The following RBMS1 variants were observed in gnomAD, a reference collection of about 807,000 sequenced individuals.
RBMS1 encodes RNA binding motif single stranded interacting protein 1.
Under a neutral mutation model 62.3 loss-of-function variants are expected in RBMS1, and 17 were observed. That is an observed-to-expected ratio of 0.27 (90% CI 0.19 to 0.41). RBMS1 has a LOEUF of 0.41. RBMS1 is among the 10% of genes least tolerant of loss of function. The pLI is 1.00. For synonymous variants in RBMS1, 172 were observed against 170.0 expected (o/e 1.01, Z -0.09); for missense variants, 334 against 504.5 (o/e 0.66, Z 3.24).
intron 1 of RBMS1, among the ~76,000 whole-genome samples, chr2:160,488,353 G>A (rs1254539640): frequency 3.9e-5 from 6 of 152,102 alleles, no homozygotes; most frequent in African/African-American, 9.7e-5. Context: ...CTGAGGCGGC[G>A]GATCACGAGG....
chr2:160,370,506 T>C (rs10929980), intron 1 of RBMS1, among the ~76,000 whole-genome samples: 53,466 of 151,952 alleles, frequency 0.35, 9,657 homozygotes, highest in East Asian at 0.53. Context: ...TTACATACAT[T>C]ACCATACTTA....
intron 6 of RBMS1, among the ~76,000 whole-genome samples, chr2:160,293,576 C>T (rs893584651): frequency 2.0e-5 from 3 of 152,192 alleles, no homozygotes; most frequent in Non-Finnish European, 2.9e-5. Flanking sequence ...GACTTATTCA[C>T]ACTCCATTAA....
chr2:160,332,757 T>C (rs1027195940), intron 2 of RBMS1, among the ~76,000 whole-genome samples: 3 of 152,052 alleles, frequency 2.0e-5, no homozygotes, highest in Non-Finnish European at 4.4e-5. Flanking sequence ...GCTGAGATCC[T>C]AGTGATACTA....
chr2:160,471,716 T>TGTATATATATATATATATATATAA (rs1684927373), intron 1 of RBMS1, among the ~76,000 whole-genome samples: 1 of 76,234 alleles, frequency 1.3e-5, no homozygotes, highest in African/African-American at 4.4e-5. Context: ...TATATATATA[T>TGTATATATATATATATATATATAA]AACCTTTCAT....
chr2:160,460,709 AATATATCTTATTCTGATTTCACTG>A (rs1316555866), intron 1 of RBMS1, among the ~76,000 whole-genome samples: 1 of 152,168 alleles, frequency 6.6e-6, no homozygotes, highest in Non-Finnish European at 1.5e-5. Flanking sequence ...TGATTTCACT[AATATATCTTATTCTGATTTCACTG>A]ATATATCTTA....
At chr2:160,288,647 G>C (rs1688527716) in intron 6 of RBMS1, among the ~76,000 whole-genome samples, 1 of 152,132 alleles carries the variant, frequency 6.6e-6, no homozygotes. Flanking sequence ...CCTTGGCCCA[G>C]ATCTAGAGAG....
intron 2 of RBMS1, among the ~76,000 whole-genome samples, chr2:160,331,995 A>G (rs1003416222): frequency 2.0e-5 from 3 of 152,206 alleles, no homozygotes; most frequent in African/African-American, 7.2e-5. Context: ...ATGTACTTCT[A>G]ATTTTTTTGA....
At chr2:160,450,564 G>GAAAAAAAAAAAAAAAAAAAAAAAAATAAA (rs1181640365) in intron 1 of RBMS1, among the ~76,000 whole-genome samples, 1 of 56,578 alleles carries the variant, frequency 1.8e-5, no homozygotes, top group Non-Finnish European at 3.1e-5. Context: ...AATAAAAAAT[G>GAAAAAAAAAAAAAAAAAAAAAAAAATAAA]AAAAAAAAAA....
At chr2:160,358,842 C>G (rs1013671621) in intron 2 of RBMS1, among the ~76,000 whole-genome samples, 6 of 151,890 alleles carry the variant, frequency 4.0e-5, no homozygotes, top group African/African-American at 1.5e-4. Flanking sequence ...GCCCACAACC[C>G]TATGTTTTTG....
intron 1 of RBMS1, among the ~76,000 whole-genome samples, chr2:160,384,510 C>A (rs1359403868): frequency 6.6e-6 from 1 of 152,154 alleles, no homozygotes; most frequent in African/African-American, 2.4e-5. Flanking sequence ...ATTTCTTTGG[C>A]TTGGGCAACT....
intron 1 of RBMS1, among the ~76,000 whole-genome samples, chr2:160,414,435 G>A (rs1222257014): frequency 6.6e-6 from 1 of 151,870 alleles, no homozygotes; most frequent in Non-Finnish European, 1.5e-5. Context: ...ATCCTGAACT[G>A]GAACCAAGTT....
At chr2:160,291,510 TCCTGTTTTAGC>T in intron 6 of RBMS1, among the ~76,000 whole-genome samples, 1 of 152,182 alleles carries the variant, frequency 6.6e-6, no homozygotes, top group Non-Finnish European at 1.5e-5. Context: ...CAACATCGTT[TCCTGTTTTAGC>T]CCTCTCCTTT....
Position 160,339,889 on chromosome 2 carries a change from A to G in RBMS1, c.252-21662T>C, listed in dbSNP as rs1691778534. On this transcript the variant is annotated intron_variant, in intron 2 of 13. Coordinates refer to ENST00000348849, the MANE Select transcript of RBMS1 (RefSeq NM_016836.4). ...AAATGTTCACAATACTCAGAGTGCT[A>G]TGTAACTCTATGTCCTCATCCTTTA... Among the ~76,000 whole-genome samples the G allele has an allele frequency of 2.0e-5, 3 of 152,188 alleles. No homozygotes were observed. In the South Asian group the frequency reaches 6.2e-4, roughly 31 times the overall value.
At chr2:160,386,723 T>C (rs930205332) in intron 1 of RBMS1, among the ~76,000 whole-genome samples, 1 of 152,060 alleles carries the variant, frequency 6.6e-6, no homozygotes. Context: ...CAGAACCCGA[T>C]CATGTTGGCA....
At chr2:160,365,037 A>T (rs1445556650) in intron 2 of RBMS1, among the ~76,000 whole-genome samples, 1 of 152,164 alleles carries the variant, frequency 6.6e-6, no homozygotes, top group Non-Finnish European at 1.5e-5. Flanking sequence ...AAGCTCTAGC[A>T]TGAGTCCCTT....
chr2:160,366,922 T>C (rs1693429399), intron 2 of RBMS1: 2 of 208,588 alleles, frequency 9.6e-6, no homozygotes, highest in South Asian at 2.4e-4. Context: ...CTGAAAAATA[T>C]CTAGCCATAA....
intron 1 of RBMS1, among the ~76,000 whole-genome samples, chr2:160,480,104 T>G (rs1444736962): frequency 1.3e-5 from 2 of 152,188 alleles, no homozygotes; most frequent in Non-Finnish European, 2.9e-5. Context: ...CAATCTTTGC[T>G]TTCACAATAT....
intron 1 of RBMS1, among the ~76,000 whole-genome samples, chr2:160,369,273 G>C (rs1048785608): frequency 1.3e-5 from 2 of 152,104 alleles, no homozygotes; most frequent in African/African-American, 4.8e-5. Context: ...TTCTCTAGGG[G>C]CTAACTACTT....
chr2:160,432,719 AAGG>A (rs1202520877), intron 1 of RBMS1, among the ~76,000 whole-genome samples: 1 of 152,156 alleles, frequency 6.6e-6, no homozygotes, highest in Non-Finnish European at 1.5e-5. Flanking sequence ...GGGCGGGGAA[AAGG>A]GAGTAAAGGT....
Sources: allele counts gnomAD v4.1 joint callset (sites outside exome capture counted in the v4.1 genomes callset), GRCh38; gene constraint gnomAD v4.1.1; transcripts MANE v1.5; gene names NCBI Gene and HGNC (gene_info 2026-07-23, HGNC 2026-07-21).